The following LMNB2 variants were observed in gnomAD, a reference collection of about 807,000 sequenced individuals.
LMNB2 encodes lamin B2.
In LMNB2, 17 loss-of-function variants were observed where a neutral mutation model predicts 69.3. The ratio of observed to expected loss-of-function variants is 0.25; its 90% CI spans 0.17 to 0.37. The LOEUF (loss-of-function observed/expected upper bound fraction) is 0.37. LMNB2 is among the 10% of genes least tolerant of loss of function. The pLI, the probability that LMNB2 is intolerant of heterozygous loss-of-function variation, is 1.00. For missense variants in LMNB2, 789 were observed against 883.6 expected (o/e 0.89, Z 1.36); for synonymous variants, 397 against 389.3 (o/e 1.02, Z -0.23).
At chr19:2,444,277 G>A in intron 2 of LMNB2, 127 bp downstream of exon 2, 1 of 1,084,660 alleles carries the variant, frequency 9.2e-7, no homozygotes, top group Non-Finnish European at 1.4e-6. Context: ...GAGAGAGGAT[G>A]GGAGCTGTGA....
At chr19:2,437,766 C>T (rs1971845000) in intron 4 of LMNB2, among the ~76,000 whole-genome samples, 1 of 143,224 alleles carries the variant, frequency 7.0e-6, no homozygotes, top group African/African-American at 2.7e-5. Flanking sequence ...TGCCACCGCA[C>T]TCCAGCATGG....
At chr19:2,448,373 C>T (rs149112755) in intron 1 of LMNB2, among the ~76,000 whole-genome samples, 99 of 152,248 alleles carry the variant, frequency 6.5e-4, no homozygotes, top group Admixed American at 1.5e-3. Flanking sequence ...GAGCTGACTG[C>T]GGCTCACGAG....
rs368113823 is a variant in LMNB2 at position 2,434,985 on chromosome 19, C to T, written c.855+16G>A. Reference sequence around the variant, plus strand: ...TTCCCACCGGCCGCCCCCGCCCACCCGCCTGCCGGCCACACCTTGGCCTGG... The same window carrying T: ...TTCCCACCGGCCGCCCCCGCCCACCTGCCTGCCGGCCACACCTTGGCCTGG... On this transcript the variant is annotated intron_variant, in intron 5 of 11. Transcript: ENST00000325327. The T allele has an allele frequency of 1.1e-4, 169 of 1,601,654 alleles. No individual in the cohort carries two copies. The highest frequency in any genetic ancestry group is 3.5e-4 in the African/African-American group (26 of 74,812).
intron 4 of LMNB2, among the ~76,000 whole-genome samples, 194 bp from the exon 5 acceptor site, chr19:2,435,365 G>A (rs912926557): frequency 2.0e-5 from 3 of 152,222 alleles, no homozygotes; most frequent in Non-Finnish European, 2.9e-5. Flanking sequence ...ACTCAGCCAC[G>A]AAAAGGAGCG....
chr19:2,438,352 G>A (rs765015306), intron 3 of LMNB2, 23 bp downstream of exon 3: 46 of 1,613,252 alleles, frequency 2.9e-5, no homozygotes, highest in East Asian at 8.9e-5. Flanking sequence ...CTGCTGGGGC[G>A]TCCCGTGGCT....
chr19:2,441,220 C>T (rs754427735), intron 2 of LMNB2, among the ~76,000 whole-genome samples: 2 of 152,256 alleles, frequency 1.3e-5, no homozygotes, highest in Admixed American at 6.5e-5. Context: ...TAAAAGCATC[C>T]GTGCCGGGTA....
At position 2,443,794 on chromosome 19, in the gene LMNB2, C is replaced by T. The variant is rs777761235; in HGVS notation, c.401+610G>A. On this transcript the variant is annotated intron_variant, in intron 2 of 11. Transcript: ENST00000325327. The surrounding 1 kb of genome is among the most constrained non-coding windows in gnomAD (Gnocchi z 6.2). ...GTCATCATCGTTCTGTTTAAATTGC[C>T]GCCCAACCACATCCCACGCCCAGAA... Among the ~76,000 whole-genome samples, 2 of 152,122 alleles carry T rather than the reference C, an allele frequency of 1.3e-5. No homozygotes were observed. Among genetic ancestry groups the T allele is most frequent in the African/African-American group, 2.4e-5 (1 of 41,410 alleles).
In LMNB2 at chr19:2,428,196, CAA is replaced by C. The variant is rs1759787809; in HGVS notation, c.*2713_*2714del. 1 of 151,300 alleles carries C rather than the reference CAA, an allele frequency of 6.6e-6. No individual in the cohort carries two copies. The highest frequency in any genetic ancestry group is 6.6e-5 in the Admixed American group (1 of 15,194). 9.4% of individuals were successfully genotyped at this position (151,300 alleles called of 1,614,324 possible). On this transcript the variant is annotated 3_prime_UTR_variant, in exon 12 of 12. Coordinates refer to ENST00000325327, the MANE Select transcript of LMNB2 (RefSeq NM_032737.4). ...TCAAAATGTTTATTGGAGTGTTGTA[CAA>C]AAAAGTTTCCAGTCATAAAATGTAT...
At chr19:2,452,993 C>A (rs1382397011) in intron 1 of LMNB2, among the ~76,000 whole-genome samples, 7 of 84,506 alleles carry the variant, frequency 8.3e-5, no homozygotes, top group Middle Eastern at 0.015. Flanking sequence ...CTAATGGGGG[C>A]TGGGTCATCC....
chr19:2,442,642 G>C (rs1198176324), intron 2 of LMNB2, among the ~76,000 whole-genome samples: 2 of 152,088 alleles, frequency 1.3e-5, no homozygotes, highest in Admixed American at 6.6e-5. Context: ...AGCTACTCGG[G>C]GTGGGGCTGA....
chr19:2,432,359 T>C (rs1599330066), intron 9 of LMNB2, 57 bp downstream of exon 9: 1 of 456,926 alleles, frequency 2.2e-6, no homozygotes, highest in Middle Eastern at 4.1e-4. Flanking sequence ...TCCAGTCCCC[T>C]GACCCCACCT....
chr19:2,444,648 C>CAG, intron 1 of LMNB2, 108 bp from the exon 2 acceptor site: 2 of 1,429,170 alleles, frequency 1.4e-6, no homozygotes, highest in Non-Finnish European at 1.9e-6. Context: ...GACTGGCACG[C>CAG]AGAGAGAGAG....
intron 7 of LMNB2, 50 bp from the exon 8 acceptor site, chr19:2,434,155 C>A: frequency 6.4e-7 from 1 of 1,558,234 alleles, no homozygotes. Flanking sequence ...CCCCAGACAG[C>A]CCAGGGCACG....
chr19:2,429,981 G>A lies in LMNB2; in HGVS notation c.*930C>T, dbSNP rs918363302. On this transcript the variant is annotated 3_prime_UTR_variant, in exon 12 of 12. Coordinates refer to ENST00000325327, the MANE Select transcript of LMNB2 (RefSeq NM_032737.4). ...AGATAAAAGCACAGTATGGATAGAC[G>A]CATGTGTATATATAGGCACAGGGCA... 1.3e-5 allele frequency: 2 copies of A among 152,198 alleles called. No individual in the cohort carries two copies. The highest frequency in any genetic ancestry group is 2.9e-5 in the Non-Finnish European group (2 of 68,080). The allele number at this position is 152,198 out of a possible 1,614,324, so 9.4% of individuals were successfully genotyped here. A position where few individuals can be genotyped will look rare whatever the true frequency, so the allele number is the denominator to read the frequency against.
intron 1 of LMNB2, 122 bp from the exon 2 acceptor site, chr19:2,444,662 G>A: frequency 7.8e-7 from 1 of 1,274,296 alleles, no homozygotes; most frequent in East Asian, 2.3e-5. Flanking sequence ...GAGAGAGGAT[G>A]GCAGCCTGGG....
In LMNB2 at chr19:2,453,302, C is replaced by T. The variant is rs1972050172; in HGVS notation, c.264+3368G>A. Among the ~76,000 whole-genome samples the T allele has an allele frequency of 6.6e-6, 1 of 152,028 alleles. No individual in the cohort carries two copies. The highest frequency in any genetic ancestry group is 1.5e-5 in the Non-Finnish European group (1 of 67,976). ...ACCTGCATGCTCTTAGGCCTGACAC[C>T]CCAGGTCCCTCCTCGTTCAGAGCTC... On this transcript the variant is annotated intron_variant, in intron 1 of 11. Coordinates refer to ENST00000325327, the MANE Select transcript of LMNB2 (RefSeq NM_032737.4). The surrounding 1 kb of genome is among the most constrained non-coding windows in gnomAD (Gnocchi z 4.4).
At position 2,443,932 on chromosome 19, in the gene LMNB2, C is replaced by T. The variant is rs1314424728; in HGVS notation, c.401+472G>A. ...CTGGGGCAGCCCAACAACCCATGAG[C>T]ACCCTGGTCACACACCACACACCCG... On this transcript the variant is annotated intron_variant, in intron 2 of 11. Transcript: ENST00000325327. This position sits in a 1 kb window ranked among gnomAD's most constrained non-coding sequence, Gnocchi z 6.2. Among the ~76,000 whole-genome samples the T allele has an allele frequency of 6.6e-6, 1 of 152,150 alleles. No homozygotes were observed. Among genetic ancestry groups the T allele is most frequent in the East Asian group, 1.9e-4 (1 of 5,192 alleles).
intron 1 of LMNB2, among the ~76,000 whole-genome samples, chr19:2,455,524 C>T (rs559517848): frequency 1.1e-4 from 17 of 152,110 alleles, no homozygotes; most frequent in African/African-American, 4.1e-4. Flanking sequence ...TGGTGGGGAG[C>T]CCTAGTCTGT....
At chr19:2,454,394 C>T (rs2145476657) in intron 1 of LMNB2, among the ~76,000 whole-genome samples, 1 of 152,156 alleles carries the variant, frequency 6.6e-6, no homozygotes, top group African/African-American at 2.4e-5. Flanking sequence ...TTTCAGGTTC[C>T]CTGTCCCCAG....
Sources: allele counts gnomAD v4.1 joint callset (sites outside exome capture counted in the v4.1 genomes callset), GRCh38; gene constraint gnomAD v4.1.1; non-coding constraint Gnocchi (gnomAD v3.1); transcripts MANE v1.5; gene names NCBI Gene and HGNC (gene_info 2026-07-23, HGNC 2026-07-21).